The following PTPRM variants were observed in gnomAD, a reference collection of about 807,000 sequenced individuals.
The protein encoded by PTPRM is protein tyrosine phosphatase receptor type M.
A neutral mutation model predicts 186.7 loss-of-function variants in PTPRM; 47 were observed. That is an observed-to-expected ratio of 0.25 (90% CI 0.20 to 0.32). The LOEUF (loss-of-function observed/expected upper bound fraction) is 0.32. Ranked by LOEUF, PTPRM falls within the 10% of genes least tolerant of loss-of-function variation. PTPRM has a pLI of 1.00. For synonymous variants in PTPRM, 668 were observed against 674.9 expected (o/e 0.99, Z 0.16); for missense variants, 1,494 against 1,865.0 (o/e 0.80, Z 3.66).
At chr18:7,999,078 T>C (rs2083713166) in intron 7 of PTPRM, among the ~76,000 whole-genome samples, 1 of 152,170 alleles carries the variant, frequency 6.6e-6, no homozygotes, top group Admixed American at 6.5e-5. Context: ...TCAGAGCCTA[T>C]ATTGGCAGCT....
chr18:7,585,818 CAT>C (rs1317171661), intron 1 of PTPRM, among the ~76,000 whole-genome samples: 2 of 152,154 alleles, frequency 1.3e-5, no homozygotes, highest in African/African-American at 4.8e-5. Context: ...TGTTCATTCA[CAT>C]AGAGTGAATT....
At chr18:8,360,077 A>G (rs1244579938) in intron 23 of PTPRM, among the ~76,000 whole-genome samples, 1 of 152,244 alleles carries the variant, frequency 6.6e-6, no homozygotes. Context: ...AGGACCAAAG[A>G]AACAGAAAAA....
At chr18:7,993,231 T>G (rs1183175934) in intron 7 of PTPRM, among the ~76,000 whole-genome samples, 1 of 151,932 alleles carries the variant, frequency 6.6e-6, no homozygotes, top group Non-Finnish European at 1.5e-5. Flanking sequence ...GGCATATTGG[T>G]CACCATCAAG....
intron 14 of PTPRM, among the ~76,000 whole-genome samples, chr18:8,202,008 A>G (rs2093865186): frequency 6.6e-6 from 1 of 152,164 alleles, no homozygotes; most frequent in South Asian, 2.1e-4. Flanking sequence ...TACTGACTTC[A>G]TTGTGCTTTT....
chr18:8,361,649 A>G (rs2095597867), intron 23 of PTPRM, among the ~76,000 whole-genome samples: 1 of 152,192 alleles, frequency 6.6e-6, no homozygotes, highest in Non-Finnish European at 1.5e-5. Context: ...ACATAATCAG[A>G]TAACTGTAGG....
chr18:8,085,835 G>A lies in PTPRM; in HGVS notation c.1716G>A (p.Gly572=), dbSNP rs777054803. The part of the protein sequence containing the change: ...TIRASTAKGF[G]PPATNQFTTK... ...GAGCTAGCACAGCTAAGGGTTTTGG[G>A]CCTCCAGCAACAAACCAGTTCACCA... The change falls in exon 10 of 33, where the codon GGG becomes GGA. Residue 572 remains glycine (G), a synonymous_variant. Coordinates refer to ENST00000580170, the MANE Select transcript of PTPRM (RefSeq NM_001105244.2). 3.1e-6 allele frequency: 5 copies of A among 1,613,294 alleles called. No homozygotes were observed. Among genetic ancestry groups the A allele is most frequent in the Non-Finnish European group, 4.2e-6 (5 of 1,179,510 alleles).
intron 1 of PTPRM, among the ~76,000 whole-genome samples, chr18:7,587,955 AAAG>A (rs2037022804): frequency 6.6e-6 from 1 of 152,194 alleles, no homozygotes; most frequent in South Asian, 2.1e-4. Context: ...TAAATGGTAA[AAAG>A]AAATGATATG....
At chr18:8,232,170 TATTA>T (rs2094295227) in intron 14 of PTPRM, among the ~76,000 whole-genome samples, 4 of 152,218 alleles carry the variant, frequency 2.6e-5, no homozygotes, top group African/African-American at 9.6e-5. Context: ...AATAATAAAA[TATTA>T]GGTCAGTGCA....
intron 1 of PTPRM, among the ~76,000 whole-genome samples, chr18:7,633,165 T>C (rs768365949): frequency 5.4e-4 from 82 of 152,168 alleles, no homozygotes; most frequent in Non-Finnish European, 9.6e-4. Flanking sequence ...ACCAACTCTT[T>C]GGAGGTGTGT....
chr18:8,336,868 T>C (rs2095442840), intron 22 of PTPRM, among the ~76,000 whole-genome samples: 3 of 151,760 alleles, frequency 2.0e-5, no homozygotes, highest in East Asian at 1.9e-4. Flanking sequence ...TCTCAGCTAC[T>C]CAGAAGGCTG....
intron 1 of PTPRM, among the ~76,000 whole-genome samples, chr18:7,650,354 C>T (rs1314550964): frequency 6.6e-6 from 1 of 151,584 alleles, no homozygotes; most frequent in Non-Finnish European, 1.5e-5. Context: ...TGTCTGAAGC[C>T]AATGATCATT....
intron 1 of PTPRM, among the ~76,000 whole-genome samples, chr18:7,620,133 A>G (rs2037902456): frequency 6.6e-6 from 1 of 152,148 alleles, no homozygotes; most frequent in African/African-American, 2.4e-5. Flanking sequence ...TCCCTACCTT[A>G]GGCTGAATAG....
chr18:8,191,352 A>G (rs1184930877), intron 14 of PTPRM, among the ~76,000 whole-genome samples: 1 of 152,186 alleles, frequency 6.6e-6, no homozygotes, highest in Non-Finnish European at 1.5e-5. Context: ...GCACGGCTAC[A>G]GAGGAGGTGG....
intron 2 of PTPRM, among the ~76,000 whole-genome samples, chr18:7,776,948 A>G (rs2042615404): frequency 6.7e-6 from 1 of 149,732 alleles, no homozygotes; most frequent in Non-Finnish European, 1.5e-5. Flanking sequence ...TAAGTTTTAA[A>G]TGCTTCTTAG....
At chr18:7,647,864 T>C (rs2144243378) in intron 1 of PTPRM, among the ~76,000 whole-genome samples, 1 of 152,336 alleles carries the variant, frequency 6.6e-6, no homozygotes, top group Non-Finnish European at 1.5e-5. Context: ...GCATTTTTAA[T>C]GTATTCTCAG....
chr18:7,582,955 C>T (rs577340849), intron 1 of PTPRM, among the ~76,000 whole-genome samples: 130 of 152,218 alleles, frequency 8.5e-4, no homozygotes, highest in Non-Finnish European at 1.5e-3. Flanking sequence ...GTGAGAATCA[C>T]ATAGCTTCTC....
intron 1 of PTPRM, among the ~76,000 whole-genome samples, chr18:7,693,372 G>A (rs2039776474): frequency 6.6e-6 from 1 of 152,078 alleles, no homozygotes; most frequent in Admixed American, 6.5e-5. Flanking sequence ...GTCAGTATGT[G>A]GCAGAATAGG....
intron 1 of PTPRM, among the ~76,000 whole-genome samples, chr18:7,707,864 G>T (rs891165431): frequency 1.7e-4 from 26 of 152,070 alleles, no homozygotes; most frequent in African/African-American, 6.0e-4. Flanking sequence ...TTGGGAGAGG[G>T]TTTAATTTAT....
At chr18:7,814,313 A>G (rs930846721) in intron 2 of PTPRM, 1 of 152,252 alleles carries the variant, frequency 6.6e-6, no homozygotes, top group African/African-American at 2.4e-5. Context: ...CGTTAAGCAC[A>G]TAGGTGGTAA....
Sources: gnomAD v4.1 joint callset for allele counts (sites outside exome capture counted in the v4.1 genomes callset) on GRCh38, gnomAD v4.1.1 for gene constraint, MANE v1.5 for transcripts, NCBI Gene and HGNC (gene_info 2026-07-23, HGNC 2026-07-21) for gene names.